Variants in AQR observed in about 807,000 individuals in gnomAD.
AQR encodes the protein RNA helicase aquarius.
AQR carries 61 observed loss-of-function variants against 180.5 expected under a neutral mutation model. That is an observed-to-expected ratio of 0.34 (90% CI 0.28 to 0.42). The LOEUF is 0.42. AQR is among the 10% of genes least tolerant of loss of function. AQR has a pLI of 1.00. For missense variants in AQR, 1,281 were observed against 1,798.3 expected, an observed-to-expected ratio of 0.71 and a Z score of 5.20; for synonymous variants, 551 against 588.8, an observed-to-expected ratio of 0.94 and a Z score of 0.93.
intron 17 of AQR, among the ~76,000 whole-genome samples, chr15:34,907,443 C>T (rs1398645145): frequency 6.6e-6 from 1 of 152,188 alleles, no homozygotes; most frequent in Non-Finnish European, 1.5e-5. Context: ...ACCACTTAAT[C>T]TTCATTCCAT....
intron 1 of AQR, 140 bp downstream of exon 1, chr15:34,969,395 TACTC>T: frequency 5.7e-6 from 5 of 874,780 alleles, no homozygotes; most frequent in Admixed American, 2.0e-5. Context: ...ACGGAGCTGA[TACTC>T]AGTAAAAAGA....
In AQR at chr15:34,944,320, G is replaced by A. The variant is rs755109832; in HGVS notation, c.439C>T (p.Leu147=). 1 of 1,606,930 alleles carries A rather than the reference G, an allele frequency of 6.2e-7. No homozygotes were observed. Among genetic ancestry groups the A allele is most frequent in the South Asian group, 1.1e-5 (1 of 89,462 alleles). Residue 147 remains leucine (L), a synonymous_variant, in exon 6 of 35, where the codon CTA becomes TTA. Transcript: ENST00000156471. The part of the protein sequence containing the change: ...EFSLHEQTVL[L]LFLDHCFNSL... Reference sequence around the variant, plus strand: ...TTGAAGCAATGATCAAGAAAAAGTAGTAAGACTGTCTGTTCATGAAGTGAA... The same window carrying A: ...TTGAAGCAATGATCAAGAAAAAGTAATAAGACTGTCTGTTCATGAAGTGAA...
intron 12 of AQR, among the ~76,000 whole-genome samples, chr15:34,929,995 G>A (rs1344347795): frequency 1.3e-5 from 2 of 152,158 alleles, no homozygotes; most frequent in Admixed American, 1.3e-4. Flanking sequence ...TGACAGCAGA[G>A]CTAATATTTA....
At chr15:34,889,045 C>A (rs1411798199) in intron 24 of AQR, among the ~76,000 whole-genome samples, 1 of 152,136 alleles carries the variant, frequency 6.6e-6, no homozygotes, top group Non-Finnish European at 1.5e-5. Context: ...TCTTTAAAAA[C>A]CATAAATTCG....
rs201619100 is a variant in AQR at position 34,860,074 on chromosome 15, G to A, written c.4111C>T (p.His1371Tyr). ...MANFVYNMYM[H>Y]LIQTTHHYHQ... ...TAATGATGTGTAGTCTGTATCAAAT[G>A]CATGTACATGTTGTATACAAAGTTT... The change falls in exon 34 of 35, where the codon CAT becomes TAT. Residue 1371 changes from histidine (H) to tyrosine (Y), a missense_variant. Physicochemically the swap from His to Tyr is moderately conservative, Grantham distance 83. This residue lies in a region of AQR where 182 missense variants were observed against 185.3 expected (regional missense o/e 0.98). Coordinates refer to ENST00000156471, the MANE Select transcript of AQR (RefSeq NM_014691.3). 425 of 1,492,132 alleles carry A rather than the reference G, an allele frequency of 2.8e-4. No homozygotes were observed. The highest frequency in any genetic ancestry group is 3.7e-4 in the Non-Finnish European group (404 of 1,105,634). 92.4% of individuals were successfully genotyped at this position (1,492,132 alleles called of 1,614,324 possible).
At chr15:34,942,471 G>A (rs982215223) in intron 6 of AQR, among the ~76,000 whole-genome samples, 2 of 152,088 alleles carry the variant, frequency 1.3e-5, no homozygotes, top group African/African-American at 4.8e-5. Context: ...GTGGTCTATT[G>A]AGTACTATTT....
chr15:34,863,946 CAA>C (rs200622220), intron 32 of AQR, among the ~76,000 whole-genome samples: 2,409 of 152,082 alleles, frequency 0.016, 33 homozygotes, highest in Admixed American at 0.024. Flanking sequence ...GAGTACTCTG[CAA>C]AAGAGAAGAC....
At chr15:34,940,008 G>A (rs1313219632) in intron 8 of AQR, among the ~76,000 whole-genome samples, 2 of 151,922 alleles carry the variant, frequency 1.3e-5, no homozygotes, top group East Asian at 3.9e-4. Flanking sequence ...ATAAACAGCT[G>A]GTGTTTCAAA....
chr15:34,920,171 GAA>G (rs1212054808), intron 14 of AQR, among the ~76,000 whole-genome samples, 159 bp downstream of exon 14: 3 of 152,098 alleles, frequency 2.0e-5, no homozygotes, highest in Admixed American at 6.5e-5. Context: ...CGAAAGATGA[GAA>G]AACAAAAAAT....
rs1388472259 is a variant in AQR, at chr15:34,948,594, ACTTGAGGTCAGGAGTT to A, written c.210-226_210-211del. Among the ~76,000 whole-genome samples, 2 of 151,936 alleles carry A rather than the reference ACTTGAGGTCAGGAGTT, an allele frequency of 1.3e-5. 1 individual carries two copies. Among genetic ancestry groups the A allele is most frequent in the Non-Finnish European group, 2.9e-5 (2 of 67,984 alleles). On this transcript the variant is annotated intron_variant, in intron 4 of 34. Transcript: ENST00000156471. ...CGAGACGGGTGGAGGTCAACTCCTGACTTGAGGTCAGGAGTTGTGATATGGTGAAACCCCATCTCTA... is the reference window on the plus strand; with the variant it reads ...CGAGACGGGTGGAGGTCAACTCCTGAGTGATATGGTGAAACCCCATCTCTA...
At chr15:34,917,043 G>T (rs1314268805) in intron 15 of AQR, among the ~76,000 whole-genome samples, 1 of 151,948 alleles carries the variant, frequency 6.6e-6, no homozygotes, top group Non-Finnish European at 1.5e-5. Context: ...CCCTTTACCC[G>T]AAAGTAACTA....
At chr15:34,894,609 C>G (rs1282957515) in intron 22 of AQR, among the ~76,000 whole-genome samples, 1 of 151,850 alleles carries the variant, frequency 6.6e-6, no homozygotes, top group African/African-American at 2.4e-5. Flanking sequence ...TTTTTTTCCT[C>G]TAGAGTTCTT....
Position 34,852,101 on chromosome 15 carries a change from T to C in AQR, c.*4691A>G, listed in dbSNP as rs1595775989. 1 of 152,050 alleles carries C rather than the reference T, an allele frequency of 6.6e-6. No homozygotes were observed. The highest frequency in any genetic ancestry group is 1.5e-5 in the Non-Finnish European group (1 of 67,988). The allele number at this position is 152,050 out of a possible 1,614,324, so 9.4% of individuals were successfully genotyped here. A position where few individuals can be genotyped will look rare whatever the true frequency, so the allele number is the denominator to read the frequency against. ...AAAAAAAATGTATTTTGGGGCTTTA[T>C]CTTTAAAGGGCGATTCACAGTTCTA... On this transcript the variant is annotated 3_prime_UTR_variant, in exon 35 of 35. Coordinates refer to ENST00000156471, the MANE Select transcript of AQR (RefSeq NM_014691.3).
chr15:34,900,237 G>GA lies in AQR; in HGVS notation c.2243+384dup, dbSNP rs1323961135. Among the ~76,000 whole-genome samples, 6 of 151,948 alleles carry GA rather than the reference G, an allele frequency of 3.9e-5. No individual in the cohort carries two copies. The South Asian group carries it at 1.2e-3, about 32-fold the overall frequency. ...TTTGTGAAAGCACGCAAAGTTAAAA[G>GA]AAAAAAAGATTTTTTTCCTAAAAAC... On this transcript the variant is annotated intron_variant, in intron 20 of 34. Coordinates refer to ENST00000156471, the MANE Select transcript of AQR (RefSeq NM_014691.3).
At chr15:34,873,723 C>T in intron 30 of AQR, 105 bp downstream of exon 30, 1 of 1,007,358 alleles carries the variant, frequency 9.9e-7, no homozygotes, top group African/African-American at 1.6e-5. Flanking sequence ...AGGTGGGGTT[C>T]CAACTTTCCT....
At chr15:34,893,890 A>C (rs1893191733) in intron 22 of AQR, 117 bp from the exon 23 acceptor site, 2 of 772,802 alleles carry the variant, frequency 2.6e-6, no homozygotes, top group Non-Finnish European at 4.4e-6. Flanking sequence ...AGATGGGCCC[A>C]ATAACAGAAT....
At chr15:34,964,344 T>C in intron 1 of AQR, 54 bp from the exon 2 acceptor site, 1 of 1,388,050 alleles carries the variant, frequency 7.2e-7, no homozygotes, top group South Asian at 1.2e-5. Flanking sequence ...ATTGTAGAGC[T>C]GGAAGACAGA....
intron 6 of AQR, 109 bp downstream of exon 6, chr15:34,944,179 G>T: frequency 1.9e-6 from 2 of 1,036,704 alleles, no homozygotes; most frequent in Non-Finnish European, 2.7e-6. Flanking sequence ...TATCCTTATT[G>T]CCTGCTATTA....
intron 6 of AQR, chr15:34,943,171 A>G: frequency 6.2e-7 from 1 of 1,611,000 alleles, no homozygotes; most frequent in Non-Finnish European, 8.5e-7. Flanking sequence ...AAGGGCAAGG[A>G]TTCTCTGTAT....
Sources: gnomAD v4.1 joint callset for allele counts (sites outside exome capture counted in the v4.1 genomes callset) on GRCh38, gnomAD v4.1.1 for gene constraint, gnomAD v4.1.1 regional missense constraint, MANE v1.5 for transcripts, NCBI Gene and HGNC (gene_info 2026-07-23, HGNC 2026-07-21) for gene names.